The following GRID2 variants were observed in gnomAD, a reference collection of about 807,000 sequenced individuals.
The protein encoded by GRID2 is glutamate ionotropic receptor delta type subunit 2, also known as glutamate receptor ionotropic, delta-2.
In GRID2, 33 loss-of-function variants were observed where a neutral mutation model predicts 114.8. The observed-to-expected ratio is 0.29, with a 90% confidence interval of 0.22 to 0.38. GRID2 has a LOEUF of 0.38. Ranked by LOEUF, GRID2 falls within the 10% of genes least tolerant of loss-of-function variation. GRID2 has a pLI of 1.00. For synonymous variants in GRID2, 505 were observed against 449.9 expected (o/e 1.12, Z -1.55); for missense variants, 1,184 against 1,257.7 (o/e 0.94, Z 0.89).
chr4:93,147,389 G>T (rs1736365090), intron 4 of GRID2, among the ~76,000 whole-genome samples: 1 of 152,114 alleles, frequency 6.6e-6, no homozygotes, highest in Non-Finnish European at 1.5e-5. Flanking sequence ...TTGACACTTT[G>T]TATGAGAAAA....
chr4:93,259,936 A>G (rs1307431951), intron 8 of GRID2, among the ~76,000 whole-genome samples: 1 of 151,696 alleles, frequency 6.6e-6, no homozygotes, highest in East Asian at 1.9e-4. Context: ...GAAGAGAGAG[A>G]ATTTTTTAAA....
chr4:93,787,301 G>A (rs1276619837), intron 1 of GRID2, among the ~76,000 whole-genome samples: 1 of 152,042 alleles, frequency 6.6e-6, no homozygotes, highest in African/African-American at 2.4e-5. Context: ...AAGTTAGCAG[G>A]CTTTGTAATA....
chr4:92,539,470 T>A (rs1019867767), intron 1 of GRID2, among the ~76,000 whole-genome samples: 4 of 152,204 alleles, frequency 2.6e-5, no homozygotes, highest in Non-Finnish European at 5.9e-5. Flanking sequence ...CATAGGTAAT[T>A]CATTTCAAAT....
chr4:92,372,447 C>T (rs2110220776), intron 1 of GRID2, among the ~76,000 whole-genome samples: 1 of 152,304 alleles, frequency 6.6e-6, no homozygotes, highest in Non-Finnish European at 1.5e-5. Context: ...AACATTAAGG[C>T]CTGACCCTGC....
chr4:92,638,898 T>C (rs907790179), intron 2 of GRID2, among the ~76,000 whole-genome samples: 10 of 151,260 alleles, frequency 6.6e-5, no homozygotes, highest in Admixed American at 1.3e-4. Context: ...TTTTTATAAA[T>C]AGGATATTTC....
In GRID2 at chr4:92,923,130, A is replaced by T. The variant is rs541760870; in HGVS notation, c.245-161865A>T. ...TTAAACATAATTTTCATGAAATGCAATAGTGTTATATAATCACTATGTAGT... is the reference window on the plus strand; with the variant it reads ...TTAAACATAATTTTCATGAAATGCATTAGTGTTATATAATCACTATGTAGT... On this transcript the variant is annotated intron_variant, in intron 2 of 15. Transcript: ENST00000282020. Among the ~76,000 whole-genome samples, 11 of 152,328 alleles carry T rather than the reference A, an allele frequency of 7.2e-5. No individual in the cohort carries two copies. In the South Asian group the frequency reaches 2.3e-3, roughly 32 times the overall value.
intron 5 of GRID2, among the ~76,000 whole-genome samples, chr4:93,216,021 A>T (rs958322306): frequency 1.2e-4 from 19 of 152,096 alleles, no homozygotes; most frequent in African/African-American, 4.3e-4. Flanking sequence ...TTTTATCCTA[A>T]TTCCATTTAG....
At chr4:93,384,156 C>A (rs1169785930) in intron 8 of GRID2, among the ~76,000 whole-genome samples, 1 of 152,076 alleles carries the variant, frequency 6.6e-6, no homozygotes, top group Non-Finnish European at 1.5e-5. Flanking sequence ...AGGCAACTTC[C>A]TTCAGTTCAT....
chr4:92,345,431 C>T (rs975954405), intron 1 of GRID2, among the ~76,000 whole-genome samples: 2 of 152,144 alleles, frequency 1.3e-5, no homozygotes, highest in African/African-American at 2.4e-5. Flanking sequence ...GTGCATCTGT[C>T]TTTTTCATAT....
At chr4:92,714,925 C>T (rs1255284874) in intron 2 of GRID2, among the ~76,000 whole-genome samples, 2 of 152,222 alleles carry the variant, frequency 1.3e-5, no homozygotes, top group African/African-American at 4.8e-5. Flanking sequence ...TCCCCATTGT[C>T]TTGGCGATTA....
chr4:93,423,281 C>T (rs1474995410), intron 10 of GRID2, among the ~76,000 whole-genome samples: 4 of 149,546 alleles, frequency 2.7e-5, no homozygotes, highest in Admixed American at 6.7e-5. Flanking sequence ...GTATATGATA[C>T]GTGATGAAAT....
chr4:92,522,950 G>T (rs190306248), intron 1 of GRID2, among the ~76,000 whole-genome samples: 113 of 152,038 alleles, frequency 7.4e-4, no homozygotes, highest in African/African-American at 2.6e-3. Context: ...TAAGTTTGGA[G>T]GAATTATAGC....
At chr4:93,438,197 T>A (rs770358005) in intron 10 of GRID2, among the ~76,000 whole-genome samples, 2 of 151,970 alleles carry the variant, frequency 1.3e-5, no homozygotes, top group African/African-American at 4.8e-5. Context: ...CCTTCAAAGA[T>A]CTCTAAGTGC....
chr4:92,756,660 G>C (rs1424208693), intron 2 of GRID2, among the ~76,000 whole-genome samples: 1 of 151,854 alleles, frequency 6.6e-6, no homozygotes, highest in Non-Finnish European at 1.5e-5. Flanking sequence ...ATTTTATTTT[G>C]GTTTTGATGA....
intron 13 of GRID2, among the ~76,000 whole-genome samples, chr4:93,625,365 A>G (rs1742608550): frequency 1.3e-5 from 2 of 152,164 alleles, no homozygotes; most frequent in Admixed American, 1.3e-4. Flanking sequence ...TCCAAATGAC[A>G]TTTTCCACTC....
intron 13 of GRID2, among the ~76,000 whole-genome samples, chr4:93,621,711 T>C (rs1742230997): frequency 1.3e-5 from 2 of 152,210 alleles, no homozygotes; most frequent in South Asian, 4.1e-4. Flanking sequence ...AAGGCAGTGA[T>C]TATATGTTTT....
intron 4 of GRID2, among the ~76,000 whole-genome samples, chr4:93,181,877 T>A (rs773606124): frequency 6.6e-6 from 1 of 152,184 alleles, no homozygotes; most frequent in Non-Finnish European, 1.5e-5. Flanking sequence ...TAAAATATAG[T>A]GTAACAAACC....
At chr4:92,825,930 A>G (rs1256693463) in intron 2 of GRID2, among the ~76,000 whole-genome samples, 2 of 152,130 alleles carry the variant, frequency 1.3e-5, no homozygotes, top group African/African-American at 4.8e-5. Context: ...TTGGTTTGAT[A>G]TATTGCTACT....
intron 1 of GRID2, among the ~76,000 whole-genome samples, chr4:92,335,683 A>G (rs1050616390): frequency 6.6e-6 from 1 of 152,186 alleles, no homozygotes; most frequent in African/African-American, 2.4e-5. Flanking sequence ...TAAAGGGTAT[A>G]CCATTACTGG....
Sources: gnomAD v4.1 joint callset for allele counts (sites outside exome capture counted in the v4.1 genomes callset) on GRCh38, gnomAD v4.1.1 for gene constraint, MANE v1.5 for transcripts, NCBI Gene and HGNC (gene_info 2026-07-23, HGNC 2026-07-21) for gene names.